Variants in PAG1 observed in about 807,000 individuals in gnomAD.
PAG1 encodes the protein phosphoprotein membrane anchor with glycosphingolipid microdomains 1, also known as phosphoprotein associated with glycosphingolipid-enriched microdomains 1.
A neutral mutation model predicts 31.7 loss-of-function variants in PAG1; 23 were observed. The ratio of observed to expected loss-of-function variants is 0.73; its 90% CI spans 0.52 to 1.03. The LOEUF is 1.03. Ranked by LOEUF, PAG1 falls within the 50% of genes least tolerant of loss-of-function variation. The probability of loss-of-function intolerance (pLI) is 0.00; values close to 1 mark genes in which losing one functional copy is unlikely to be tolerated. For synonymous variants in PAG1, 214 were observed against 210.3 expected (o/e 1.02, Z -0.15); for missense variants, 473 against 540.7 (o/e 0.87, Z 1.24).
At position 81,043,490 on chromosome 8, in the gene PAG1, C is replaced by CATTGTGAACAT. The variant is rs766821411; in HGVS notation, c.-174-13402_-174-13401insATGTTCACAAT. Among the ~76,000 whole-genome samples, 690 of 152,256 alleles carry CATTGTGAACAT rather than the reference C, an allele frequency of 4.5e-3. 6 individuals carry two copies. Among genetic ancestry groups the CATTGTGAACAT allele is most frequent in the Non-Finnish European group, 5.4e-3 (370 of 68,008 alleles). On this transcript the variant is annotated intron_variant, in intron 2 of 8. Coordinates refer to ENST00000220597, the MANE Select transcript of PAG1 (RefSeq NM_018440.4). ...TCAACAGTTTCATTGTGTTCATTTACTGTGTGTTAGAGAATGTTCCATGTC... is the reference window on the plus strand; with the variant it reads ...TCAACAGTTTCATTGTGTTCATTTACATTGTGAACATTGTGTGTTAGAGAATGTTCCATGTC...
chr8:80,993,009 G>A (rs1807585001), intron 4 of PAG1, 94 bp downstream of exon 4: 2 of 1,121,304 alleles, frequency 1.8e-6, no homozygotes, highest in South Asian at 1.9e-5. Context: ...GCTCTGTGGC[G>A]GGATTCCATT....
At position 80,974,528 on chromosome 8, in the gene PAG1, G is replaced by A. The variant is rs1447739338; in HGVS notation, c.*2016C>T. The A allele has an allele frequency of 6.6e-6, 1 of 152,132 alleles. No homozygotes were observed. The highest frequency in any genetic ancestry group is 1.5e-5 in the Non-Finnish European group (1 of 68,034). 9.4% of individuals were successfully genotyped at this position (152,132 alleles called of 1,614,324 possible). On this transcript the variant is annotated 3_prime_UTR_variant, in exon 9 of 9. Transcript: ENST00000220597. ...ACGACATCTTCATGGGAGAGACCAG[G>A]CTGATTGCAAAATAATGACAACCAA...
At chr8:81,062,072 A>T (rs1408501088) in intron 2 of PAG1, among the ~76,000 whole-genome samples, 3 of 152,232 alleles carry the variant, frequency 2.0e-5, no homozygotes, top group African/African-American at 4.8e-5. Flanking sequence ...AAATGAGTCA[A>T]CAATTACAAT....
intron 2 of PAG1, among the ~76,000 whole-genome samples, chr8:81,045,728 A>G (rs1808630834): frequency 6.6e-6 from 1 of 152,256 alleles, no homozygotes; most frequent in Admixed American, 6.5e-5. Context: ...TTTAAAAAAG[A>G]GTGGTTCATT....
At chr8:81,108,006 C>A (rs146902857) in intron 1 of PAG1, among the ~76,000 whole-genome samples, 1 of 152,186 alleles carries the variant, frequency 6.6e-6, no homozygotes, top group African/African-American at 2.4e-5. Flanking sequence ...GTTTGCATTT[C>A]TTTTACATGT....
At chr8:80,979,133 T>C (rs185366351) in intron 8 of PAG1, among the ~76,000 whole-genome samples, 114 of 152,384 alleles carry the variant, frequency 7.5e-4, no homozygotes, top group African/African-American at 2.6e-3. Context: ...AGTTCTGTCA[T>C]GTTAAAAATT....
chr8:81,056,046 G>A (rs1380873185), intron 2 of PAG1, among the ~76,000 whole-genome samples: 1 of 152,172 alleles, frequency 6.6e-6, no homozygotes, highest in African/African-American at 2.4e-5. Context: ...AGTTTTCAAA[G>A]GGAATGCTTC....
At chr8:80,994,016 T>C (rs1807618334) in intron 3 of PAG1, among the ~76,000 whole-genome samples, 1 of 150,248 alleles carries the variant, frequency 6.7e-6, no homozygotes, top group South Asian at 2.1e-4. Flanking sequence ...AATTCTTATA[T>C]AGCTTTTGCA....
intron 1 of PAG1, among the ~76,000 whole-genome samples, chr8:81,089,316 T>A (rs1809409014): frequency 1.3e-5 from 2 of 152,152 alleles, no homozygotes; most frequent in South Asian, 4.1e-4. Flanking sequence ...ACGCCTGTAA[T>A]CCCAGCACTT....
chr8:81,075,141 G>C (rs1809156372), intron 1 of PAG1, among the ~76,000 whole-genome samples: 1 of 152,204 alleles, frequency 6.6e-6, no homozygotes, highest in Non-Finnish European at 1.5e-5. Context: ...TTCAGCCTGT[G>C]TAATTCCATG....
chr8:80,984,378 T>C (rs1807370427), intron 7 of PAG1, among the ~76,000 whole-genome samples: 1 of 152,140 alleles, frequency 6.6e-6, no homozygotes, highest in Non-Finnish European at 1.5e-5. Context: ...TTGCTATGCA[T>C]GCTGATTTTT....
intron 3 of PAG1, among the ~76,000 whole-genome samples, chr8:81,026,607 C>T (rs1454898805): frequency 6.6e-6 from 1 of 151,842 alleles, no homozygotes; most frequent in Non-Finnish European, 1.5e-5. Context: ...GGTATGGAGA[C>T]CCAGCTGTCA....
At chr8:81,096,488 A>G (rs1055708033) in intron 1 of PAG1, among the ~76,000 whole-genome samples, 3 of 152,220 alleles carry the variant, frequency 2.0e-5, no homozygotes, top group Non-Finnish European at 4.4e-5. Flanking sequence ...CAATTTTGGT[A>G]GTGGCCTCCC....
At chr8:81,026,910 A>C (rs1230144338) in intron 3 of PAG1, among the ~76,000 whole-genome samples, 1 of 152,136 alleles carries the variant, frequency 6.6e-6, no homozygotes, top group Non-Finnish European at 1.5e-5. Context: ...AGACCAAAAA[A>C]ATGTACCAAA....
At chr8:81,084,148 C>T (rs1809314562) in intron 1 of PAG1, among the ~76,000 whole-genome samples, 1 of 152,078 alleles carries the variant, frequency 6.6e-6, no homozygotes, top group Non-Finnish European at 1.5e-5. Context: ...AGATATTCTG[C>T]CATCTTTCCT....
intron 2 of PAG1, among the ~76,000 whole-genome samples, chr8:81,047,302 T>C (rs193096657): frequency 1.3e-3 from 193 of 152,352 alleles, no homozygotes; most frequent in African/African-American, 4.2e-3. Context: ...TAATTTACCA[T>C]CCCACCAACA....
At chr8:81,097,172 A>G (rs1809541593) in intron 1 of PAG1, among the ~76,000 whole-genome samples, 2 of 152,172 alleles carry the variant, frequency 1.3e-5, no homozygotes, top group African/African-American at 4.8e-5. Flanking sequence ...GGGCACTTTA[A>G]CCAAAATTAC....
At chr8:81,024,045 G>A (rs896484538) in intron 3 of PAG1, among the ~76,000 whole-genome samples, 1 of 152,174 alleles carries the variant, frequency 6.6e-6, no homozygotes, top group African/African-American at 2.4e-5. Context: ...CAGTGTTTAT[G>A]TGAGTCATAA....
chr8:81,004,444 T>A (rs1331305265), intron 3 of PAG1, among the ~76,000 whole-genome samples: 1 of 152,186 alleles, frequency 6.6e-6, no homozygotes, highest in Non-Finnish European at 1.5e-5. Context: ...TGTCATTCAT[T>A]AAACACATAA....
Sources: gnomAD v4.1 joint callset for allele counts (sites outside exome capture counted in the v4.1 genomes callset) on GRCh38, gnomAD v4.1.1 for gene constraint, MANE v1.5 for transcripts, NCBI Gene and HGNC (gene_info 2026-07-23, HGNC 2026-07-21) for gene names.